Variants in VTI1A observed in about 807,000 individuals in gnomAD.
VTI1A encodes vesicle transport through interaction with t-SNAREs homolog 1A.
VTI1A carries 22 observed loss-of-function variants against 34.9 expected under a neutral mutation model. The observed-to-expected ratio is 0.63, with a 90% CI of 0.45 to 0.90. The LOEUF (loss-of-function observed/expected upper bound fraction) is 0.90. Among genes scored for constraint, VTI1A ranks in the 40% least tolerant of loss-of-function variants. The pLI is 0.00. For missense variants in VTI1A, 268 were observed against 275.6 expected, an observed-to-expected ratio of 0.97 and a Z score of 0.20; for synonymous variants, 87 against 97.3, an observed-to-expected ratio of 0.89 and a Z score of 0.62.
intron 5 of VTI1A, among the ~76,000 whole-genome samples, chr10:112,593,797 C>T (rs932442458): frequency 2.0e-5 from 3 of 152,106 alleles, no homozygotes; most frequent in African/African-American, 7.2e-5. Context: ...AGTGCAGCGC[C>T]ACAATCTCGG....
rs149325756 is a variant in VTI1A, at chr10:112,589,159, T to A, written c.427+50829T>A. 6.4e-3 allele frequency among the ~76,000 whole-genome samples: 965 copies of A among 151,844 alleles called. 3 individuals are homozygous for A. The highest frequency in any genetic ancestry group is 9.0e-3 in the Admixed American group (137 of 15,252). ...TTAAAACCTCTTTCCCCTTAATACA[T>A]GGGGGGTGATATGATTTGGCTCTGT... On this transcript the variant is annotated intron_variant, in intron 5 of 7. Transcript: ENST00000393077.
chr10:112,582,784 C>T (rs912347294), intron 5 of VTI1A, among the ~76,000 whole-genome samples: 1 of 152,010 alleles, frequency 6.6e-6, no homozygotes, highest in Admixed American at 6.6e-5. Flanking sequence ...ACTTTTTTAA[C>T]GTATAAATAT....
intron 7 of VTI1A, among the ~76,000 whole-genome samples, chr10:112,727,738 T>C (rs982497905): frequency 4.6e-5 from 7 of 152,078 alleles, no homozygotes; most frequent in Non-Finnish European, 8.8e-5. Context: ...ATTTACTTAA[T>C]TGACAGAATA....
rs1293137103 is a variant in VTI1A, at chr10:112,447,347, G to A, written c.-27G>A. 3.8e-5 allele frequency: 61 copies of A among 1,608,736 alleles called. No homozygotes were observed. Among genetic ancestry groups the A allele is most frequent in the Non-Finnish European group, 5.1e-5 (60 of 1,177,984 alleles). ...GGCCCTTTCCCTGACCTAGGCTTTG[G>A]CCTGGGCTACTCGTTCCGGAGCCGC... On this transcript the variant is annotated 5_prime_UTR_variant, in exon 1 of 8. Transcript: ENST00000393077.
At chr10:112,764,628 C>G (rs1293518246) in intron 7 of VTI1A, among the ~76,000 whole-genome samples, 4 of 151,980 alleles carry the variant, frequency 2.6e-5, no homozygotes, top group African/African-American at 9.7e-5. Flanking sequence ...GGATATATAC[C>G]TGTATAAATA....
chr10:112,830,849 A>ATATATATATATATATATATAT, the VTI1A span, among the ~76,000 whole-genome samples: 157 of 33,456 alleles, frequency 4.7e-3, 1 homozygote, highest in Admixed American at 5.7e-3. Flanking sequence ...ATATATATAT[A>ATATATATATATATATATATAT]TTTTTTTTTT....
intron 5 of VTI1A, among the ~76,000 whole-genome samples, chr10:112,623,969 G>C (rs1165625918): frequency 6.6e-6 from 1 of 152,204 alleles, no homozygotes; most frequent in Non-Finnish European, 1.5e-5. Context: ...AGATCTATTT[G>C]CAAGGGCCTT....
At chr10:112,650,519 T>G (rs954746974) in intron 5 of VTI1A, among the ~76,000 whole-genome samples, 7 of 152,152 alleles carry the variant, frequency 4.6e-5, no homozygotes, top group African/African-American at 1.7e-4. Flanking sequence ...AGCTATAGTA[T>G]AGTAAATTCA....
chr10:112,559,138 G>A (rs932645721), intron 5 of VTI1A, among the ~76,000 whole-genome samples: 3 of 152,170 alleles, frequency 2.0e-5, no homozygotes, highest in African/African-American at 7.2e-5. Context: ...AAAAAAATGT[G>A]TAAATTGACC....
intron 7 of VTI1A, among the ~76,000 whole-genome samples, chr10:112,806,426 C>T (rs753817140): frequency 1.3e-5 from 2 of 152,080 alleles, no homozygotes; most frequent in Non-Finnish European, 2.9e-5. Context: ...GCTGGGACTA[C>T]AGGCACACGC....
chr10:112,770,685 C>A (rs1187404958), intron 7 of VTI1A, among the ~76,000 whole-genome samples: 1 of 151,994 alleles, frequency 6.6e-6, no homozygotes, highest in Non-Finnish European at 1.5e-5. Flanking sequence ...GGATTACAGG[C>A]TTGAGCCACG....
At chr10:112,592,292 A>G (rs895926575) in intron 5 of VTI1A, among the ~76,000 whole-genome samples, 4 of 152,152 alleles carry the variant, frequency 2.6e-5, no homozygotes, top group Non-Finnish European at 5.9e-5. Flanking sequence ...GATCATAAAT[A>G]TGTACTGTTT....
chr10:112,592,325 T>C (rs1844425335), intron 5 of VTI1A, among the ~76,000 whole-genome samples: 1 of 152,210 alleles, frequency 6.6e-6, no homozygotes, highest in South Asian at 2.1e-4. Context: ...CTTTTGGTCA[T>C]CTGTTACAGC....
chr10:112,512,274 GT>G (rs1379681405), intron 3 of VTI1A, among the ~76,000 whole-genome samples: 5 of 152,048 alleles, frequency 3.3e-5, no homozygotes, highest in African/African-American at 1.2e-4. Flanking sequence ...TTTCATTGTG[GT>G]TTTGATTTGC....
chr10:112,604,357 G>A (rs545453044), intron 5 of VTI1A, among the ~76,000 whole-genome samples: 1 of 152,278 alleles, frequency 6.6e-6, no homozygotes, highest in African/African-American at 2.4e-5. Context: ...CTAACACAAA[G>A]TCAGTGCACA....
intron 7 of VTI1A, among the ~76,000 whole-genome samples, chr10:112,751,825 ATTCT>A: frequency 6.6e-6 from 1 of 152,312 alleles, no homozygotes; most frequent in East Asian, 1.9e-4. Flanking sequence ...ATCTCCAACT[ATTCT>A]CATTGGTTAC....
At chr10:112,820,114 G>T (rs1853626621), downstream of VTI1A, among the ~76,000 whole-genome samples, 1 of 152,212 alleles carries the variant, frequency 6.6e-6, no homozygotes, top group African/African-American at 2.4e-5. Flanking sequence ...AGCCTCTTTG[G>T]TTACTATGGG....
chr10:112,690,074 A>T (rs1221130575), intron 7 of VTI1A, among the ~76,000 whole-genome samples: 2 of 152,152 alleles, frequency 1.3e-5, no homozygotes, highest in Admixed American at 6.5e-5. Flanking sequence ...AAATTAATCC[A>T]TGTAGTTGCA....
intron 5 of VTI1A, among the ~76,000 whole-genome samples, chr10:112,635,076 A>G (rs1340837443): frequency 6.6e-6 from 1 of 152,206 alleles, no homozygotes; most frequent in African/African-American, 2.4e-5. Flanking sequence ...TGTTGCCTGT[A>G]ACTGCAAAGT....
Sources: gnomAD v4.1 joint callset for allele counts (sites outside exome capture counted in the v4.1 genomes callset) on GRCh38, gnomAD v4.1.1 for gene constraint, MANE v1.5 for transcripts, NCBI Gene and HGNC (gene_info 2026-07-23, HGNC 2026-07-21) for gene names.